DLG2: variants seen among roughly 807,000 people sequenced by gnomAD.
DLG2 encodes the protein disks large homolog 2.
A neutral mutation model predicts 132.5 loss-of-function variants in DLG2; 45 were observed. The ratio of observed to expected loss-of-function variants is 0.34; its 90% CI spans 0.27 to 0.44. The LOEUF (loss-of-function observed/expected upper bound fraction) is 0.44. Ranked by LOEUF, DLG2 falls within the 20% of genes least tolerant of loss-of-function variation. DLG2 has a pLI of 1.00. For synonymous variants in DLG2, 424 were observed against 419.6 expected (o/e 1.01, Z -0.13); for missense variants, 1,045 against 1,196.9 (o/e 0.87, Z 1.87).
intron 3 of DLG2, among the ~76,000 whole-genome samples, chr11:85,439,935 C>T (rs979635661): frequency 5.3e-5 from 8 of 152,010 alleles, no homozygotes; most frequent in African/African-American, 1.9e-4. Flanking sequence ...AGGTCATAAA[C>T]GCTAGATAGA....
chr11:83,791,399 C>A, intron 17 of DLG2: 1 of 673,824 alleles, frequency 1.5e-6, no homozygotes. Flanking sequence ...CCACCTTTTT[C>A]GTCTTTCCTG....
At chr11:83,600,105 A>G (rs980120312) in intron 19 of DLG2, among the ~76,000 whole-genome samples, 2 of 152,198 alleles carry the variant, frequency 1.3e-5, no homozygotes, top group Admixed American at 6.5e-5. Context: ...GGCATGGTCA[A>G]CAAGGCATTT....
chr11:83,827,141 T>C (rs1466640581), intron 17 of DLG2, among the ~76,000 whole-genome samples: 1 of 152,100 alleles, frequency 6.6e-6, no homozygotes, highest in Non-Finnish European at 1.5e-5. Context: ...TGGCGGCTCA[T>C]ATGAGGACCA....
At chr11:83,721,183 C>T (rs1411106586) in intron 18 of DLG2, among the ~76,000 whole-genome samples, 4 of 152,108 alleles carry the variant, frequency 2.6e-5, no homozygotes, top group African/African-American at 9.7e-5. Context: ...TATAAGGACA[C>T]TTAAAAGGAC....
At chr11:84,556,869 A>G (rs754114873) in intron 6 of DLG2, among the ~76,000 whole-genome samples, 3 of 152,218 alleles carry the variant, frequency 2.0e-5, no homozygotes, top group Non-Finnish European at 4.4e-5. Context: ...GCCCTACATA[A>G]CAAAGTAATT....
At chr11:85,607,248 T>G (rs2080634107) in intron 2 of DLG2, among the ~76,000 whole-genome samples, 1 of 152,166 alleles carries the variant, frequency 6.6e-6, no homozygotes, top group Admixed American at 6.5e-5. Context: ...GAAAGGGCTC[T>G]CTAACAAACC....
intron 19 of DLG2, among the ~76,000 whole-genome samples, chr11:83,569,768 G>T (rs1168974335): frequency 6.6e-6 from 1 of 152,240 alleles, no homozygotes; most frequent in Non-Finnish European, 1.5e-5. Flanking sequence ...TAGACAGGGG[G>T]CTGGTTAACA....
rs560313377 is a variant in DLG2, at chr11:83,597,077, G to T, written c.1940+36134C>A. 3.9e-5 allele frequency among the ~76,000 whole-genome samples: 6 copies of T among 152,244 alleles called. No homozygotes were observed. In the East Asian group the frequency reaches 1.2e-3, roughly 29 times the overall value. On this transcript the variant is annotated intron_variant, in intron 19 of 27. Transcript: ENST00000376104. ...AGTTTAGGGAGTCAGAATAACTGGG[G>T]TTAGTTCCAGTTCAGTCATTGCCAA...
Position 84,760,334 on chromosome 11 carries a change from T to C in DLG2, c.358-225603A>G, listed in dbSNP as rs189391649. 1.1e-4 allele frequency among the ~76,000 whole-genome samples: 16 copies of C among 152,212 alleles called. 1 individual carries two copies. Among genetic ancestry groups the C allele is most frequent in the Non-Finnish European group, 2.1e-4 (14 of 68,036 alleles). ...CTTCTGAGTCTTCTAATGGACTTGC[T>C]AGGCTGTCTGCCCTTTCAGAGATCC... On this transcript the variant is annotated intron_variant, in intron 6 of 27. Transcript: ENST00000376104.
chr11:85,316,735 T>A (rs2080706072), intron 3 of DLG2, among the ~76,000 whole-genome samples: 1 of 151,828 alleles, frequency 6.6e-6, no homozygotes. Flanking sequence ...ATAGAAAATC[T>A]TCTTTGGCAG....
chr11:84,229,164 T>G (rs2097054350), intron 8 of DLG2, among the ~76,000 whole-genome samples: 1 of 152,230 alleles, frequency 6.6e-6, no homozygotes, highest in Non-Finnish European at 1.5e-5. Flanking sequence ...TCTTTCAAAT[T>G]ATTTTTTAAT....
chr11:84,342,343 T>C (rs2098518868), intron 7 of DLG2, among the ~76,000 whole-genome samples: 1 of 152,222 alleles, frequency 6.6e-6, no homozygotes, highest in African/African-American at 2.4e-5. Context: ...AGCAGGAGTG[T>C]AATCTAGGGC....
rs757035060 is a variant in DLG2, at chr11:85,358,328, G to A, written c.41-72963C>T. Among the ~76,000 whole-genome samples, 11 of 152,252 alleles carry A rather than the reference G, an allele frequency of 7.2e-5. 1 individual carries two copies. The highest frequency in any genetic ancestry group is 6.2e-4 in the South Asian group (3 of 4,828). On this transcript the variant is annotated intron_variant, in intron 3 of 27. Transcript: ENST00000376104. ...CTCTGTGTTTACTCTCTTTCTACCAGGTTTCCCATGTGGCTTTCAACTTAA... is the reference window on the plus strand; with the variant it reads ...CTCTGTGTTTACTCTCTTTCTACCAAGTTTCCCATGTGGCTTTCAACTTAA...
At chr11:84,335,557 G>A (rs983583971) in intron 7 of DLG2, among the ~76,000 whole-genome samples, 2 of 152,072 alleles carry the variant, frequency 1.3e-5, no homozygotes, top group Admixed American at 6.5e-5. Flanking sequence ...GATGATTTAC[G>A]TTTTCCAACA....
At chr11:83,769,077 T>C (rs768465591) in intron 18 of DLG2, among the ~76,000 whole-genome samples, 3 of 152,204 alleles carry the variant, frequency 2.0e-5, no homozygotes, top group Admixed American at 1.3e-4. Context: ...TGATAACAAG[T>C]ATTATAACTA....
chr11:83,467,773 A>ATG (rs1416933184), intron 25 of DLG2, among the ~76,000 whole-genome samples: 3 of 30,540 alleles, frequency 9.8e-5, no homozygotes, highest in Non-Finnish European at 1.1e-4. Context: ...AACTATATGT[A>ATG]TATATATATA....
At chr11:84,117,706 G>GA (rs1035461950) in intron 9 of DLG2, among the ~76,000 whole-genome samples, 1 of 152,044 alleles carries the variant, frequency 6.6e-6, no homozygotes, top group African/African-American at 2.4e-5. Flanking sequence ...TATTCATTGA[G>GA]AAAAAAACTA....
intron 3 of DLG2, among the ~76,000 whole-genome samples, chr11:85,351,819 T>G (rs768379031): frequency 6.6e-6 from 1 of 152,230 alleles, no homozygotes; most frequent in Admixed American, 6.5e-5. Context: ...GCCAGTATTT[T>G]ACAGAGGATG....
intron 7 of DLG2, among the ~76,000 whole-genome samples, chr11:84,438,492 A>G (rs1436650436): frequency 2.0e-5 from 3 of 151,992 alleles, no homozygotes; most frequent in African/African-American, 7.3e-5. Flanking sequence ...AAAATAAAAA[A>G]ACCCAGGTTT....
Sources: gnomAD v4.1 joint callset for allele counts (sites outside exome capture counted in the v4.1 genomes callset) on GRCh38, gnomAD v4.1.1 for gene constraint, MANE v1.5 for transcripts, NCBI Gene and HGNC (gene_info 2026-07-23, HGNC 2026-07-21) for gene names.